The following TAFA1 variants were observed in gnomAD, a reference collection of about 807,000 sequenced individuals.
The protein encoded by TAFA1 is TAFA chemokine like family member 1.
Under a neutral mutation model 18.5 loss-of-function variants are expected in TAFA1, and 4 were observed. The ratio of observed to expected loss-of-function variants is 0.22; its 90% CI spans 0.11 to 0.49. The LOEUF is 0.49. Ranked by LOEUF, TAFA1 falls within the 20% of genes least tolerant of loss-of-function variation. The probability of loss-of-function intolerance (pLI) is 0.98; values close to 1 mark genes in which losing one functional copy is unlikely to be tolerated. For missense variants in TAFA1, 147 were observed against 169.0 expected (o/e 0.87, Z 0.72); for synonymous variants, 56 against 55.2 (o/e 1.01, Z -0.06).
rs575037754 is a variant in TAFA1, at chr3:68,435,175, C to G, written c.259+17755C>G. ...ACATCCAGTCTGGGACTCTAAGTGA[C>G]TAGGTAAGAGGATGGGATCGAATGT... On this transcript the variant is annotated intron_variant, in intron 3 of 4. Transcript: ENST00000478136. Among the ~76,000 whole-genome samples, 32 of 152,122 alleles carry G rather than the reference C, an allele frequency of 2.1e-4. 1 individual carries two copies. The South Asian group carries it at 6.6e-3, about 32-fold the overall frequency.
chr3:68,526,477 C>T lies in TAFA1; in HGVS notation c.260-12279C>T, dbSNP rs181395153. Among the ~76,000 whole-genome samples, 88 of 152,226 alleles carry T rather than the reference C, an allele frequency of 5.8e-4. 2 individuals carry two copies. The East Asian group carries it at 8.5e-3, about 15-fold the overall frequency. ...AAATGAACTCAATACCAGGAATTTT[C>T]TGAGCATAATTTAATATTTGAGATC... On this transcript the variant is annotated intron_variant, in intron 3 of 4. Coordinates refer to ENST00000478136, the MANE Select transcript of TAFA1 (RefSeq NM_213609.4).
At chr3:68,219,059 A>G (rs2066698974) in intron 2 of TAFA1, among the ~76,000 whole-genome samples, 1 of 152,012 alleles carries the variant, frequency 6.6e-6, no homozygotes, top group African/African-American at 2.4e-5. Flanking sequence ...AGGATTTATA[A>G]CTTACCATTA....
intron 2 of TAFA1, among the ~76,000 whole-genome samples, chr3:68,097,143 A>T (rs1200961906): frequency 6.6e-6 from 1 of 152,134 alleles, no homozygotes. Context: ...TTCACCATGA[A>T]TATATCATAA....
chr3:68,001,305 A>C (rs983317550), upstream of TAFA1, among the ~76,000 whole-genome samples: 2 of 152,210 alleles, frequency 1.3e-5, no homozygotes, highest in African/African-American at 4.8e-5. Flanking sequence ...TTGATAAAGT[A>C]ATTGTAGAGA....
At chr3:68,170,759 G>T (rs2066042346) in intron 2 of TAFA1, among the ~76,000 whole-genome samples, 1 of 149,118 alleles carries the variant, frequency 6.7e-6, no homozygotes, top group Non-Finnish European at 1.5e-5. Flanking sequence ...AGGATTTATT[G>T]ATTCAAGTCA....
chr3:68,369,916 A>G (rs262181), intron 2 of TAFA1, among the ~76,000 whole-genome samples: 59 of 152,118 alleles, frequency 3.9e-4, no homozygotes, highest in Non-Finnish European at 7.6e-4. Flanking sequence ...AGGACCACCC[A>G]TGTGCTTTTA....
At chr3:68,509,866 G>C (rs1299268545) in intron 3 of TAFA1, among the ~76,000 whole-genome samples, 1 of 152,104 alleles carries the variant, frequency 6.6e-6, no homozygotes, top group Admixed American at 6.6e-5. Context: ...AGAATGAAAA[G>C]GGGCTGAAGG....
intron 2 of TAFA1, among the ~76,000 whole-genome samples, chr3:68,334,295 A>G (rs1029448269): frequency 2.0e-5 from 3 of 152,186 alleles, no homozygotes; most frequent in Non-Finnish European, 4.4e-5. Context: ...CAAGATAGGA[A>G]CAGAGAACAT....
intron 3 of TAFA1, among the ~76,000 whole-genome samples, chr3:68,511,612 G>A (rs1226946622): frequency 6.6e-6 from 1 of 151,910 alleles, no homozygotes; most frequent in Non-Finnish European, 1.5e-5. Context: ...CAGCAATTTG[G>A]TTGAAAAGTA....
chr3:68,192,118 C>T (rs2066349158), intron 2 of TAFA1, among the ~76,000 whole-genome samples: 1 of 151,816 alleles, frequency 6.6e-6, no homozygotes, highest in South Asian at 2.1e-4. Context: ...ACTATTCGCT[C>T]TAGTCCAACA....
intron 2 of TAFA1, among the ~76,000 whole-genome samples, chr3:68,221,130 C>T (rs1003610418): frequency 9.2e-5 from 14 of 152,180 alleles, no homozygotes; most frequent in African/African-American, 3.4e-4. Flanking sequence ...TTCACCATGG[C>T]CTCCCACTGG....
chr3:68,493,214 G>T (rs2072485456), intron 3 of TAFA1, among the ~76,000 whole-genome samples: 2 of 152,090 alleles, frequency 1.3e-5, no homozygotes, highest in African/African-American at 4.8e-5. Flanking sequence ...ACTACTGAAA[G>T]TAGTCAAATA....
chr3:68,384,453 A>G (rs1035973032), intron 2 of TAFA1, among the ~76,000 whole-genome samples: 5 of 152,074 alleles, frequency 3.3e-5, no homozygotes, highest in South Asian at 2.1e-4. Flanking sequence ...AGGTTATTCA[A>G]TGTAAATGTA....
chr3:68,145,403 G>C, intron 2 of TAFA1: 3 of 848,406 alleles, frequency 3.5e-6, no homozygotes, highest in Non-Finnish European at 6.2e-6. Context: ...TGATGATTTT[G>C]CAGCCTTTGT....
intron 2 of TAFA1, among the ~76,000 whole-genome samples, chr3:68,276,965 A>G (rs2067809205): frequency 6.6e-6 from 1 of 152,162 alleles, no homozygotes; most frequent in South Asian, 2.1e-4. Flanking sequence ...AGTCAAGTAT[A>G]CAAGAGGAAA....
intron 2 of TAFA1, among the ~76,000 whole-genome samples, chr3:68,407,712 A>G (rs2070637619): frequency 7.2e-5 from 11 of 152,146 alleles, no homozygotes; most frequent in Admixed American, 7.2e-4. Flanking sequence ...CCAGGACTTG[A>G]GTCTTGGCAG....
chr3:68,400,545 A>G (rs944425753), intron 2 of TAFA1, among the ~76,000 whole-genome samples: 1 of 152,198 alleles, frequency 6.6e-6, no homozygotes, highest in Non-Finnish European at 1.5e-5. Context: ...TCCCAACTAT[A>G]AGGAGAACAG....
In TAFA1 at chr3:68,096,509, G is replaced by A. The variant is rs145876540; in HGVS notation, c.118+89765G>A. On this transcript the variant is annotated intron_variant, in intron 2 of 4. Coordinates refer to ENST00000478136, the MANE Select transcript of TAFA1 (RefSeq NM_213609.4). The stretch of plus-strand genomic sequence containing the variant: ...TCAGAGAATTTCCTTTATTAAGAAT[G>A]CTTTGGATACATCATCTTATTTTGT... 7.6e-4 allele frequency among the ~76,000 whole-genome samples: 115 copies of A among 152,210 alleles called. 2 individuals carry two copies. The highest frequency in any genetic ancestry group is 2.6e-3 in the African/African-American group (107 of 41,552).
At chr3:67,995,130 C>T in the TAFA1 span, among the ~76,000 whole-genome samples, 1 of 152,150 alleles carries the variant, frequency 6.6e-6, no homozygotes, top group South Asian at 2.1e-4. Context: ...AATAAAGATG[C>T]CTACCTTGGG....
Sources: allele counts gnomAD v4.1 joint callset (sites outside exome capture counted in the v4.1 genomes callset), GRCh38; gene constraint gnomAD v4.1.1; transcripts MANE v1.5; gene names NCBI Gene and HGNC (gene_info 2026-07-23, HGNC 2026-07-21).